Variants in SDK2 observed in about 807,000 individuals in gnomAD.
The protein encoded by SDK2 is sidekick cell adhesion molecule 2.
Under a neutral mutation model 253.9 loss-of-function variants are expected in SDK2, and 105 were observed. That is an observed-to-expected ratio of 0.41 (90% CI 0.35 to 0.49). The LOEUF (loss-of-function observed/expected upper bound fraction) is 0.49, where lower values mean the gene tolerates loss of function less well. SDK2 is among the 20% of genes least tolerant of loss of function. The pLI, the probability that SDK2 is intolerant of heterozygous loss-of-function variation, is 0.06. For synonymous variants in SDK2, 1,249 were observed against 1,234.9 expected (o/e 1.01, Z -0.24); for missense variants, 2,608 against 3,003.0 (o/e 0.87, Z 3.07).
intron 8 of SDK2, among the ~76,000 whole-genome samples, chr17:73,436,020 C>G (rs1032644130): frequency 6.6e-6 from 1 of 152,150 alleles, no homozygotes; most frequent in African/African-American, 2.4e-5. Flanking sequence ...TCCCAAAGTG[C>G]TAGGATGACA....
chr17:73,435,633 G>C lies in SDK2; in HGVS notation c.1012C>G (p.Pro338Ala), dbSNP rs2145619666. The C allele has an allele frequency of 6.4e-7, 1 of 1,563,982 alleles. No homozygotes were observed. The highest frequency in any genetic ancestry group is 1.2e-5 in the South Asian group (1 of 84,992). Residue 338 changes from proline (P) to alanine (A), a missense_variant, in exon 9 of 45, where the codon CCC becomes GCC. Pro to Ala is a conservative substitution (Grantham distance 27, BLOSUM62 -1). Around this residue, in one of 2 missense-constraint regions of SDK2, gnomAD observed 1,505 missense variants for 1,859.1 expected, o/e 0.81. Coordinates refer to ENST00000392650, the MANE Select transcript of SDK2 (RefSeq NM_001144952.2). This position sits in a 1 kb window ranked among gnomAD's most constrained non-coding sequence, Gnocchi z 5.7. ...IPCQAKGVPP[P>A]SITWYKDAAV... ...GCGTCCTTGTACCAGGTGATGGAGG[G>C]CGGCGGCACACCTGTGGGCAAGACG...
intron 1 of SDK2, among the ~76,000 whole-genome samples, chr17:73,531,732 T>C (rs2064170552): frequency 1.3e-5 from 2 of 152,204 alleles, no homozygotes; most frequent in Admixed American, 1.3e-4. Flanking sequence ...TACTCCTCAA[T>C]GGGGAACACA....
At chr17:73,512,535 TCAAA>T (rs1479041810) in intron 1 of SDK2, among the ~76,000 whole-genome samples, 1 of 146,296 alleles carries the variant, frequency 6.8e-6, no homozygotes. Flanking sequence ...TTTCTTCACC[TCAAA>T]CACACACACA....
At position 73,394,245 on chromosome 17, in the gene SDK2, G is replaced by C. The variant is rs371857762; in HGVS notation, c.3672C>G (p.Pro1224=). 1 of 1,599,262 alleles carries C rather than the reference G, an allele frequency of 6.3e-7. No individual in the cohort carries two copies. The highest frequency in any genetic ancestry group is 8.5e-7 in the Non-Finnish European group (1 of 1,170,268). The change falls in exon 26 of 45, where the codon CCC becomes CCG. Residue 1224 remains proline (P), a synonymous_variant. Coordinates refer to ENST00000392650, the MANE Select transcript of SDK2 (RefSeq NM_001144952.2). ...GCACGAGCCCGTTGCGATCAGCCTC[G>C]GGGACCTCGCTCCAGCGCACCAGCA... is the stretch of plus-strand genomic sequence containing the variant. The part of the protein sequence containing the change: ...SSMLVRWSEV[P]EADRNGLVLG...
intron 3 of SDK2, among the ~76,000 whole-genome samples, chr17:73,469,022 AC>A (rs1336071417): frequency 6.6e-6 from 1 of 152,006 alleles, no homozygotes; most frequent in Admixed American, 6.6e-5. Flanking sequence ...ATGGGGTTTC[AC>A]CATGTTAGCC....
In SDK2 at chr17:73,402,059, C is replaced by A. The variant is rs1416308418; in HGVS notation, c.2567G>T (p.Gly856Val). ...RPNFQDSIHV[G>V]FVSGLKKFTE... ...GAACTTCTTCAGGCCAGACACGAAG[C>A]CCACGTGGATGCTGTCTTGAAAGTT... Residue 856 changes from glycine (G) to valine (V), a missense_variant, in exon 19 of 45, where the codon GGC (glycine) becomes GTC (valine). Physicochemically the swap from Gly to Val is moderately radical, Grantham distance 109. Coordinates refer to ENST00000392650, the MANE Select transcript of SDK2 (RefSeq NM_001144952.2). The A allele has an allele frequency of 1.9e-6, 3 of 1,613,888 alleles. No homozygotes were observed. Among genetic ancestry groups the A allele is most frequent in the African/African-American group, 2.7e-5 (2 of 74,934 alleles).
chr17:73,395,180 C>G lies in SDK2; in HGVS notation c.3567G>C (p.Thr1189=). 6.2e-7 allele frequency: 1 copy of G among 1,603,482 alleles called. No homozygotes were observed. Among genetic ancestry groups the G allele is most frequent in the Non-Finnish European group, 8.5e-7 (1 of 1,175,966 alleles). The change falls in exon 25 of 45, where the codon ACG becomes ACC. Residue 1189 remains threonine, a synonymous_variant. Transcript: ENST00000392650. The surrounding 1 kb of genome is among the most constrained non-coding windows in gnomAD (Gnocchi z 4.3). ...CTGACTCCCGGGTCCTGCCCACCACCGTCTGGCTCCAGGGCCCGCTCCCGA... is the reference window on the plus strand; with the variant it reads ...CTGACTCCCGGGTCCTGCCCACCACGGTCTGGCTCCAGGGCCCGCTCCCGA... ...NAIGSGPWSQ[T]VVGRTRESVP... is the part of the protein sequence containing the mutation.
intron 3 of SDK2, among the ~76,000 whole-genome samples, chr17:73,463,340 T>A (rs1183369378): frequency 6.6e-6 from 1 of 152,208 alleles, no homozygotes; most frequent in African/African-American, 2.4e-5. Context: ...GCATTCCACT[T>A]CAGAATATAT....
At position 73,573,498 on chromosome 17, in the gene SDK2, G is replaced by T. The variant is rs181012612; in HGVS notation, c.65-65901C>A. Among the ~76,000 whole-genome samples, 54 of 152,220 alleles carry T rather than the reference G, an allele frequency of 3.5e-4. No individual in the cohort carries two copies. The East Asian group carries it at 9.3e-3, about 26-fold the overall frequency. ...GGTCACCTCTACCCTTCACCCAGCT[G>T]CTAGGACCCCAAACCTTGGAGTCGT... On this transcript the variant is annotated intron_variant, in intron 1 of 44. Transcript: ENST00000392650.
At chr17:73,449,805 C>G (rs1420988492) in intron 4 of SDK2, among the ~76,000 whole-genome samples, 1 of 151,962 alleles carries the variant, frequency 6.6e-6, no homozygotes, top group Non-Finnish European at 1.5e-5. Flanking sequence ...TGCCTGTAAT[C>G]CCAGCTACTC....
intron 40 of SDK2, among the ~76,000 whole-genome samples, chr17:73,353,413 G>A (rs1045387408): frequency 1.3e-5 from 2 of 152,060 alleles, no homozygotes; most frequent in African/African-American, 4.8e-5. Context: ...AAATAAGAGC[G>A]CTATTTTTCT....
intron 1 of SDK2, among the ~76,000 whole-genome samples, chr17:73,622,357 T>C (rs1044887864): frequency 2.0e-5 from 3 of 152,194 alleles, no homozygotes; most frequent in Admixed American, 6.5e-5. Flanking sequence ...TTCAGCTGAT[T>C]CCCCAAGCCC....
Position 73,348,719 on chromosome 17 carries a change from G to C in SDK2, c.6045C>G (p.Pro2015=). The change falls in exon 44 of 45, where the codon CCC becomes CCG. Residue 2015 remains proline (P), a synonymous_variant. Coordinates refer to ENST00000392650, the MANE Select transcript of SDK2 (RefSeq NM_001144952.2). ...GCAGGCTGCCTGGGCTGGGCCTGGG[G>C]GGAGACCTGGAGAGAGCGGGGGAGT... ...CRKNGLYTRS[P]PRPSPGSLHY... 6.2e-7 allele frequency: 1 copy of C among 1,606,452 alleles called. No individual in the cohort carries two copies. The highest frequency in any genetic ancestry group is 8.5e-7 in the Non-Finnish European group (1 of 1,178,840).
chr17:73,592,759 A>G (rs1024297787), intron 1 of SDK2, among the ~76,000 whole-genome samples: 3 of 152,154 alleles, frequency 2.0e-5, no homozygotes, highest in African/African-American at 2.4e-5. Context: ...CCATTTCCGG[A>G]AGGAGGACAG....
intron 1 of SDK2, among the ~76,000 whole-genome samples, chr17:73,635,220 T>A (rs1279675982): frequency 1.3e-5 from 2 of 152,154 alleles, no homozygotes; most frequent in East Asian, 3.9e-4. Flanking sequence ...ACGCCTGTCC[T>A]CAAGTGATCC....
chr17:73,388,054 G>T lies in SDK2; in HGVS notation c.4193-17C>A, dbSNP rs142623001. 32 of 1,554,874 alleles carry T rather than the reference G, an allele frequency of 2.1e-5. No individual in the cohort carries two copies. Among genetic ancestry groups the T allele is most frequent in the Non-Finnish European group, 2.6e-5 (30 of 1,150,616 alleles). On this transcript the variant is annotated splice_polypyrimidine_tract_variant and intron_variant, in intron 29 of 44. Transcript: ENST00000392650. Reference sequence around the variant, plus strand: ...GCGGACGGTCTGGGAGGTGGCAGAGGGGGAGGAGCAGGTGAGTGGGCCAGG... The same window carrying T: ...GCGGACGGTCTGGGAGGTGGCAGAGTGGGAGGAGCAGGTGAGTGGGCCAGG...
chr17:73,505,018 C>T (rs970103594), intron 2 of SDK2, among the ~76,000 whole-genome samples: 8 of 151,684 alleles, frequency 5.3e-5, no homozygotes, highest in Admixed American at 3.3e-4. Flanking sequence ...CTCTTAGGGG[C>T]GAGGAGGTAA....
At chr17:73,483,244 G>A (rs2063737860) in intron 2 of SDK2, among the ~76,000 whole-genome samples, 1 of 151,160 alleles carries the variant, frequency 6.6e-6, no homozygotes, top group Non-Finnish European at 1.5e-5. Context: ...GGAGAGAGCC[G>A]CTACATAGAT....
rs565118004 is a variant in SDK2 at position 73,527,795 on chromosome 17, T to C, written c.65-20198A>G. Among the ~76,000 whole-genome samples the C allele has an allele frequency of 2.0e-5, 3 of 152,308 alleles. 1 individual carries two copies. In the South Asian group the frequency reaches 6.2e-4, roughly 32 times the overall value. Reference sequence around the variant, plus strand: ...ATCTCCCAGGGAGAAATACCTCCTTTGGTGGACTTCGTTTTCTTTTCCATC... The same window carrying C: ...ATCTCCCAGGGAGAAATACCTCCTTCGGTGGACTTCGTTTTCTTTTCCATC... On this transcript the variant is annotated intron_variant, in intron 1 of 44. Coordinates refer to ENST00000392650, the MANE Select transcript of SDK2 (RefSeq NM_001144952.2).
Sources: gnomAD v4.1 joint callset for allele counts (sites outside exome capture counted in the v4.1 genomes callset) on GRCh38, gnomAD v4.1.1 for gene constraint, gnomAD v4.1.1 regional missense constraint, Gnocchi (gnomAD v3.1) non-coding constraint, MANE v1.5 for transcripts, NCBI Gene and HGNC (gene_info 2026-07-23, HGNC 2026-07-21) for gene names.